MYT1L: variants seen among roughly 807,000 people sequenced by gnomAD.
MYT1L encodes myelin transcription factor 1-like protein.
MYT1L carries 12 observed loss-of-function variants against 126.7 expected under a neutral mutation model. That is an observed-to-expected ratio of 0.09 (90% CI 0.06 to 0.15). The LOEUF is 0.15. Among genes scored for constraint, MYT1L ranks in the 10% least tolerant of loss-of-function variants. MYT1L has a pLI of 1.00. For synonymous variants in MYT1L, 541 were observed against 604.2 expected (o/e 0.90, Z 1.53); for missense variants, 979 against 1,585.2 (o/e 0.62, Z 6.49).
chr2:1,803,991 G>A (rs1243744088), intron 22 of MYT1L, among the ~76,000 whole-genome samples: 1 of 152,228 alleles, frequency 6.6e-6, no homozygotes, highest in Admixed American at 6.5e-5. Flanking sequence ...GCTCTGGGTT[G>A]GGTGGGAATT....
At chr2:1,914,334 T>C (rs966868189) in intron 11 of MYT1L, among the ~76,000 whole-genome samples, 2 of 152,122 alleles carry the variant, frequency 1.3e-5, no homozygotes, top group South Asian at 2.1e-4. Flanking sequence ...CGGGGCTTTA[T>C]CAGAAACACC....
chr2:2,261,845 G>T (rs1188402014), intron 2 of MYT1L, among the ~76,000 whole-genome samples: 3 of 152,006 alleles, frequency 2.0e-5, no homozygotes, highest in Non-Finnish European at 4.4e-5. Context: ...CCAGGAAGGA[G>T]GACATACACT....
At chr2:1,981,983 T>C (rs1028368644) in intron 5 of MYT1L, among the ~76,000 whole-genome samples, 10 of 152,338 alleles carry the variant, frequency 6.6e-5, no homozygotes, top group Middle Eastern at 6.8e-3. Context: ...TTTCTGCCCT[T>C]TCCTGTGATT....
At chr2:2,234,924 C>A (rs1572701731) in intron 2 of MYT1L, among the ~76,000 whole-genome samples, 1 of 152,354 alleles carries the variant, frequency 6.6e-6, no homozygotes, top group East Asian at 1.9e-4. Flanking sequence ...TCTTTCCAAA[C>A]CCAGCCTCCA....
At chr2:2,209,400 A>G (rs1234941761) in intron 2 of MYT1L, among the ~76,000 whole-genome samples, 1 of 151,862 alleles carries the variant, frequency 6.6e-6, no homozygotes, top group Non-Finnish European at 1.5e-5. Flanking sequence ...CCCCTGCCCC[A>G]CCACCCTTCC....
chr2:2,038,265 G>C (rs2067110630), intron 4 of MYT1L, among the ~76,000 whole-genome samples: 1 of 152,190 alleles, frequency 6.6e-6, no homozygotes, highest in Non-Finnish European at 1.5e-5. Context: ...TCCATAGCTA[G>C]AGTTTGGGGT....
intron 14 of MYT1L, among the ~76,000 whole-genome samples, chr2:1,897,694 T>C (rs1573357124): frequency 2.0e-5 from 3 of 152,264 alleles, no homozygotes; most frequent in South Asian, 4.2e-4. Context: ...AACTCCTGAC[T>C]TCAGGTGATC....
At chr2:2,117,256 A>C (rs1264534574) in intron 3 of MYT1L, among the ~76,000 whole-genome samples, 1 of 152,268 alleles carries the variant, frequency 6.6e-6, no homozygotes, top group Non-Finnish European at 1.5e-5. Context: ...GGATCTTCTC[A>C]TGACTTCAAA....
At chr2:1,935,343 T>C (rs2055721594) in intron 9 of MYT1L, among the ~76,000 whole-genome samples, 1 of 152,194 alleles carries the variant, frequency 6.6e-6, no homozygotes, top group African/African-American at 2.4e-5. Flanking sequence ...CACCGTGTTT[T>C]GAAATGAGCT....
rs537439596 is a variant in MYT1L at position 2,253,220 on chromosome 2, C to T, written c.-421+31184G>A. On this transcript the variant is annotated intron_variant, in intron 2 of 24. Transcript: ENST00000647738. ...GCCGGAGCGGGCTCCACTGTCCAGCCTGGTCTCCATTCCAGCTGCAGCTTT... is the reference window on the plus strand; with the variant it reads ...GCCGGAGCGGGCTCCACTGTCCAGCTTGGTCTCCATTCCAGCTGCAGCTTT... 2.1e-3 allele frequency among the ~76,000 whole-genome samples: 319 copies of T among 152,362 alleles called. 3 individuals are homozygous for T. Among genetic ancestry groups the T allele is most frequent in the African/African-American group, 7.3e-3 (302 of 41,590 alleles).
Position 2,228,184 on chromosome 2 carries a change from G to T in MYT1L, c.-420-55196C>A, listed in dbSNP as rs2094063979. Reference sequence around the variant, plus strand: ...AATCATTACCTACATAAAAGACAGGGCAAGGGGGTGATTCTGTAATATACA... The same window carrying T: ...AATCATTACCTACATAAAAGACAGGTCAAGGGGGTGATTCTGTAATATACA... On this transcript the variant is annotated intron_variant, in intron 2 of 24. Coordinates refer to ENST00000647738, the MANE Select transcript of MYT1L (RefSeq NM_001303052.2). The surrounding 1 kb of genome is among the most constrained non-coding windows in gnomAD (Gnocchi z 5.9). Among the ~76,000 whole-genome samples the T allele has an allele frequency of 6.6e-6, 1 of 152,164 alleles. No individual in the cohort carries two copies. The highest frequency in any genetic ancestry group is 2.4e-5 in the African/African-American group (1 of 41,436).
chr2:2,004,002 CAT>C, intron 4 of MYT1L, among the ~76,000 whole-genome samples: 1 of 136,374 alleles, frequency 7.3e-6, no homozygotes, highest in Non-Finnish European at 1.7e-5. Flanking sequence ...TTCTTTCCTG[CAT>C]GCCTTCTTTC....
intron 3 of MYT1L, among the ~76,000 whole-genome samples, chr2:2,101,413 C>T (rs573663900): frequency 6.6e-6 from 1 of 152,224 alleles, no homozygotes; most frequent in African/African-American, 2.4e-5. Context: ...AATAAAATAG[C>T]TGTGAGTTAC....
At chr2:2,089,833 T>A (rs993905950) in intron 3 of MYT1L, among the ~76,000 whole-genome samples, 14 of 152,200 alleles carry the variant, frequency 9.2e-5, no homozygotes, top group Non-Finnish European at 4.4e-5. Flanking sequence ...CTCCACTGAT[T>A]CATTAAATAG....
At chr2:2,092,470 A>G (rs1389512849) in intron 3 of MYT1L, among the ~76,000 whole-genome samples, 1 of 152,252 alleles carries the variant, frequency 6.6e-6, no homozygotes, top group Non-Finnish European at 1.5e-5. Flanking sequence ...ATGATAATAA[A>G]AAAGTTTGAA....
intron 3 of MYT1L, among the ~76,000 whole-genome samples, chr2:2,064,547 CTG>C (rs1006016421): frequency 1.3e-5 from 2 of 152,178 alleles, no homozygotes; most frequent in African/African-American, 2.4e-5. Flanking sequence ...CTGAAAGTAT[CTG>C]TGTACAGAGA....
At chr2:2,197,110 G>A (rs2092833898) in intron 2 of MYT1L, among the ~76,000 whole-genome samples, 1 of 152,126 alleles carries the variant, frequency 6.6e-6, no homozygotes, top group South Asian at 2.1e-4. Context: ...TGTTGGTTAG[G>A]GAACAGGCAA....
chr2:1,980,870 A>G (rs2060556061), intron 5 of MYT1L, among the ~76,000 whole-genome samples: 1 of 152,112 alleles, frequency 6.6e-6, no homozygotes, highest in Admixed American at 6.5e-5. Context: ...GGAGAACTCT[A>G]CTCAAGACGA....
At chr2:2,129,363 T>C (rs937301047) in intron 3 of MYT1L, among the ~76,000 whole-genome samples, 1 of 152,194 alleles carries the variant, frequency 6.6e-6, no homozygotes, top group East Asian at 1.9e-4. Context: ...GGGCTTACTA[T>C]AAAGCTAATG....
Sources: allele counts gnomAD v4.1 joint callset (sites outside exome capture counted in the v4.1 genomes callset), GRCh38; gene constraint gnomAD v4.1.1; non-coding constraint Gnocchi (gnomAD v3.1); transcripts MANE v1.5; gene names NCBI Gene and HGNC (gene_info 2026-07-23, HGNC 2026-07-21).